The following MSH4 variants were observed in gnomAD, a reference collection of about 807,000 sequenced individuals.
MSH4 encodes mutS protein homolog 4.
MSH4 carries 106 observed loss-of-function variants against 113.7 expected under a neutral mutation model. The observed-to-expected ratio is 0.93, with a 90% CI of 0.80 to 1.10. The LOEUF (loss-of-function observed/expected upper bound fraction) is 1.10. MSH4 is among the 50% of genes least tolerant of loss of function. MSH4 has a pLI of 0.00. For missense variants in MSH4, 1,061 were observed against 1,093.7 expected (o/e 0.97, Z 0.42); for synonymous variants, 368 against 380.2 (o/e 0.97, Z 0.37).
intron 11 of MSH4, among the ~76,000 whole-genome samples, chr1:75,878,651 T>C (rs1310889272): frequency 6.6e-6 from 1 of 151,900 alleles, no homozygotes; most frequent in South Asian, 2.1e-4. Flanking sequence ...CAAGACGTTG[T>C]CTCTACAAAA....
intron 8 of MSH4, among the ~76,000 whole-genome samples, chr1:75,861,718 G>A (rs2100556657): frequency 6.6e-6 from 1 of 152,352 alleles, no homozygotes; most frequent in South Asian, 2.1e-4. Flanking sequence ...AGGCTACACA[G>A]GGATCAGGGA....
intron 8 of MSH4, among the ~76,000 whole-genome samples, chr1:75,853,138 C>T (rs34111433): frequency 0.046 from 6,987 of 152,050 alleles, 197 homozygotes; most frequent in African/African-American, 0.061. Context: ...AATCTCGGCT[C>T]ACTGCAACCT....
chr1:75,908,667 T>C (rs1652722906), intron 19 of MSH4, among the ~76,000 whole-genome samples: 1 of 152,282 alleles, frequency 6.6e-6, no homozygotes, highest in Non-Finnish European at 1.5e-5. Flanking sequence ...GATATATATC[T>C]ATGTTTTTGC....
At chr1:75,841,090 G>C (rs1298931024) in intron 7 of MSH4, among the ~76,000 whole-genome samples, 1 of 151,968 alleles carries the variant, frequency 6.6e-6, no homozygotes, top group African/African-American at 2.4e-5. Context: ...GATGTTTTTT[G>C]GATATAGTGG....
intron 15 of MSH4, 72 bp downstream of exon 15, chr1:75,883,893 G>T: frequency 1.5e-6 from 2 of 1,299,748 alleles, no homozygotes; most frequent in African/African-American, 3.0e-5. Context: ...AATTTTTTTA[G>T]GGCCATGTGC....
intron 8 of MSH4, among the ~76,000 whole-genome samples, chr1:75,864,967 C>A (rs987494570): frequency 2.6e-5 from 4 of 152,094 alleles, no homozygotes; most frequent in Non-Finnish European, 5.9e-5. Flanking sequence ...AGCTCTTAAC[C>A]AACACTGAAT....
intron 14 of MSH4, 141 bp downstream of exon 14, chr1:75,881,511 A>G (rs1651932287): frequency 4.9e-6 from 4 of 823,812 alleles, no homozygotes; most frequent in Non-Finnish European, 7.0e-6. Flanking sequence ...TAAGACACAA[A>G]ATAAAGAAAG....
At chr1:75,798,486 C>G (rs1178113995) in intron 1 of MSH4, among the ~76,000 whole-genome samples, 1 of 151,960 alleles carries the variant, frequency 6.6e-6, no homozygotes, top group Non-Finnish European at 1.5e-5. Flanking sequence ...TTCAGACTGT[C>G]TTCTGAAGTT....
intron 6 of MSH4, 103 bp from the exon 7 acceptor site, chr1:75,822,306 A>AT: frequency 1.4e-6 from 1 of 727,112 alleles, no homozygotes; most frequent in South Asian, 2.1e-5. Context: ...AAAAAAAAAA[A>AT]GAATCATTGC....
chr1:75,814,223 T>C (rs1144338), intron 4 of MSH4, among the ~76,000 whole-genome samples: 118,934 of 149,172 alleles, frequency 0.8, 47,764 homozygotes, highest in South Asian at 0.9. Flanking sequence ...GAGGCCAATG[T>C]GGGAGAATCA....
chr1:75,861,853 T>TC (rs1651462799), intron 8 of MSH4, among the ~76,000 whole-genome samples: 2 of 152,222 alleles, frequency 1.3e-5, no homozygotes, highest in African/African-American at 4.8e-5. Context: ...TGCCTTTTTT[T>TC]CAGATATGCC....
Position 75,854,007 on chromosome 1 carries a change from G to GTATATATATATATATATA in MSH4, c.1230+5732_1230+5733insATATATATATATATATAT, listed in dbSNP as rs150197709. 4.1e-3 allele frequency among the ~76,000 whole-genome samples: 207 copies of GTATATATATATATATATA among 50,362 alleles called. 2 individuals carry two copies. The highest frequency in any genetic ancestry group is 0.025 in the Admixed American group (148 of 6,040). The allele number at this position is 50,362 out of a possible 152,430, so 33.0% of individuals were successfully genotyped here. On this transcript the variant is annotated intron_variant, in intron 8 of 19. Coordinates refer to ENST00000263187, the MANE Select transcript of MSH4 (RefSeq NM_002440.4). ...CCTCTCATGGCTAGGGCATAAGTGT[G>GTATATATATATATATATA]TGTGTGTATATATATATATATGCAT...
At chr1:75,885,444 C>CGT in intron 15 of MSH4, among the ~76,000 whole-genome samples, 1 of 109,976 alleles carries the variant, frequency 9.1e-6, no homozygotes, top group Admixed American at 1.3e-4. Flanking sequence ...TGTGTATATA[C>CGT]ATATATATAT....
chr1:75,832,373 C>A (rs914941086), intron 7 of MSH4, among the ~76,000 whole-genome samples: 1 of 152,158 alleles, frequency 6.6e-6, no homozygotes, highest in Non-Finnish European at 1.5e-5. Flanking sequence ...GGAGCTGGTA[C>A]CATTCCCTCT....
At chr1:75,862,160 G>T (rs1201058390) in intron 8 of MSH4, among the ~76,000 whole-genome samples, 1 of 152,114 alleles carries the variant, frequency 6.6e-6, no homozygotes, top group Non-Finnish European at 1.5e-5. Context: ...CAGTATTTGG[G>T]CAAGAGTGCT....
At chr1:75,800,400 G>T (rs1369578745) in intron 1 of MSH4, among the ~76,000 whole-genome samples, 1 of 152,164 alleles carries the variant, frequency 6.6e-6, no homozygotes, top group East Asian at 1.9e-4. Flanking sequence ...CATAGGAATT[G>T]TAAGAAAGAG....
chr1:75,868,257 T>C (rs1651631069), intron 9 of MSH4, among the ~76,000 whole-genome samples: 1 of 152,196 alleles, frequency 6.6e-6, no homozygotes, highest in African/African-American at 2.4e-5. Flanking sequence ...TGATATTAAC[T>C]GATCAATTTC....
intron 4 of MSH4, among the ~76,000 whole-genome samples, chr1:75,813,523 C>T (rs1316242667): frequency 6.6e-6 from 1 of 151,956 alleles, no homozygotes; most frequent in East Asian, 1.9e-4. Flanking sequence ...TAGGAGATAC[C>T]AACCTCCTAG....
At chr1:75,898,884 A>C (rs764346054) in intron 18 of MSH4, among the ~76,000 whole-genome samples, 1 of 152,214 alleles carries the variant, frequency 6.6e-6, no homozygotes, top group African/African-American at 2.4e-5. Flanking sequence ...TCAGATGTTT[A>C]AAATTTATGA....
Sources: allele counts gnomAD v4.1 joint callset (sites outside exome capture counted in the v4.1 genomes callset), GRCh38; gene constraint gnomAD v4.1.1; transcripts MANE v1.5; gene names NCBI Gene and HGNC (gene_info 2026-07-23, HGNC 2026-07-21).